TIMM21: variants seen among roughly 807,000 people sequenced by gnomAD.
The protein encoded by TIMM21 is mitochondrial import inner membrane translocase subunit Tim21.
TIMM21 carries 30 observed loss-of-function variants against 27.7 expected under a neutral mutation model. The observed-to-expected ratio is 1.08, with a 90% confidence interval of 0.81 to 1.47. The LOEUF (loss-of-function observed/expected upper bound fraction) is 1.47. Ranked by LOEUF, TIMM21 falls within the 40% of genes most tolerant of loss-of-function variation. The pLI, the probability that TIMM21 is intolerant of heterozygous loss-of-function variation, is 0.00. For synonymous variants in TIMM21, 121 were observed against 114.4 expected (o/e 1.06, Z -0.37); for missense variants, 292 against 302.9 (o/e 0.96, Z 0.27).
intron 1 of TIMM21, 106 bp downstream of exon 1, chr18:74,149,215 G>C (rs1236637377): frequency 1.5e-6 from 2 of 1,311,982 alleles, no homozygotes. Flanking sequence ...CAATTCACAT[G>C]AATTTTTAAA....
intron 1 of TIMM21, among the ~76,000 whole-genome samples, chr18:74,153,531 CTG>C (rs1421729882): frequency 6.6e-6 from 1 of 152,324 alleles, no homozygotes; most frequent in East Asian, 1.9e-4. Flanking sequence ...TTTTGTGACA[CTG>C]AGAGTGGAAT....
In TIMM21 at chr18:74,158,206, CGT is replaced by C; in HGVS notation, c.578_579del (p.Val193GlufsTer5). The C allele has an allele frequency of 6.8e-6, 11 of 1,614,102 alleles. No homozygotes were observed. Among genetic ancestry groups the C allele is most frequent in the Non-Finnish European group, 9.3e-6 (11 of 1,180,024 alleles). On this transcript the variant is annotated frameshift_variant, in exon 5 of 6. Coordinates refer to ENST00000169551, the MANE Select transcript of TIMM21 (RefSeq NM_014177.3). LOFTEE classifies it high-confidence loss of function. The stretch of plus-strand genomic sequence containing the variant: ...TATGTAAAAGATGGGCTGAAACACA[CGT>C]GTGTGAAATTCTACATTGAGGGCTC...
chr18:74,148,708 C>A lies in TIMM21; in HGVS notation c.-101C>A, dbSNP rs1391879144. The A allele has an allele frequency of 2.5e-6, 3 of 1,218,502 alleles. No individual in the cohort carries two copies. The highest frequency in any genetic ancestry group is 2.4e-5 in the East Asian group (1 of 42,444). The allele number at this position is 1,218,502 out of a possible 1,614,324, so 75.5% of individuals were successfully genotyped here. ...TGCCTAACACCCCATGTAATGTAAACGTATAGGCTTGAGTACGTGTCCGGC... is the reference window on the plus strand; with the variant it reads ...TGCCTAACACCCCATGTAATGTAAAAGTATAGGCTTGAGTACGTGTCCGGC... On this transcript the variant is annotated 5_prime_UTR_variant, in exon 1 of 6. Transcript: ENST00000169551.
Position 74,160,013 on chromosome 18 carries a change from T to C in TIMM21, c.*1533T>C, listed in dbSNP as rs1980059086. The C allele has an allele frequency of 6.6e-6, 1 of 152,270 alleles. No individual in the cohort carries two copies. Among genetic ancestry groups the C allele is most frequent in the Non-Finnish European group, 1.5e-5 (1 of 68,106 alleles). 9.4% of individuals were successfully genotyped at this position (152,270 alleles called of 1,614,324 possible). On this transcript the variant is annotated 3_prime_UTR_variant, in exon 6 of 6. Transcript: ENST00000169551. ...CACCTGCCATTTTACAATATGCTCATGCCCCTTTAAGATCTGAGCTTTTGG... is the reference window on the plus strand; with the variant it reads ...CACCTGCCATTTTACAATATGCTCACGCCCCTTTAAGATCTGAGCTTTTGG...
rs1232103083 is a variant in TIMM21, at chr18:74,155,359, A to G, written c.418A>G (p.Lys140Glu). 5.6e-6 allele frequency: 9 copies of G among 1,613,600 alleles called. No individual in the cohort carries two copies. Among genetic ancestry groups the G allele is most frequent in the Non-Finnish European group, 6.8e-6 (8 of 1,179,954 alleles). ...ACTTTTTTCTTCATCCAGTCCTAGC[A>G]AGATATATGGGAGAGCCTTAGAAAA... ...KELFSSSSPS[K>E]IYGRALEKCR... Residue 140 changes from lysine (K) to glutamate (E), a missense_variant, in exon 3 of 6, where the codon AAG (lysine) becomes GAG (glutamate). Physicochemically the swap from Lys to Glu is moderately conservative, Grantham distance 56 (BLOSUM62 1). Coordinates refer to ENST00000169551, the MANE Select transcript of TIMM21 (RefSeq NM_014177.3).
intron 1 of TIMM21, among the ~76,000 whole-genome samples, chr18:74,149,923 A>T (rs541897930): frequency 6.6e-6 from 1 of 152,322 alleles, no homozygotes; most frequent in East Asian, 1.9e-4. Context: ...CACCCCATTC[A>T]GACGTGACAG....
At chr18:74,156,115 CA>C (rs1568191988) in intron 3 of TIMM21, 3 of 395,654 alleles carry the variant, frequency 7.6e-6, no homozygotes, top group Non-Finnish European at 8.9e-6. Context: ...TGGGAAGTGT[CA>C]GATTTCTTAC....
At chr18:74,155,877 G>A (rs1042201222) in intron 3 of TIMM21, among the ~76,000 whole-genome samples, 4 of 152,216 alleles carry the variant, frequency 2.6e-5, no homozygotes, top group Non-Finnish European at 4.4e-5. Flanking sequence ...GACACTTAAA[G>A]AGATTAAGTA....
intron 3 of TIMM21, chr18:74,157,770 A>AT (rs2121924287): frequency 2.2e-6 from 1 of 464,144 alleles, no homozygotes; most frequent in African/African-American, 2.0e-5. Flanking sequence ...TGATTTTTAT[A>AT]TTTTTTAGTA....
In TIMM21 at chr18:74,159,459, G is replaced by A. The variant is rs1980046752; in HGVS notation, c.*979G>A. ...TTCAGTGTGAGGTATCCCCTCTGAT[G>A]TGTTTGTTCCTTCTCCCCGAGAACT... is the stretch of plus-strand genomic sequence containing the variant. On this transcript the variant is annotated 3_prime_UTR_variant, in exon 6 of 6. Transcript: ENST00000169551. 1 of 151,936 alleles carries A rather than the reference G, an allele frequency of 6.6e-6. No individual in the cohort carries two copies. Among genetic ancestry groups the A allele is most frequent in the Non-Finnish European group, 1.5e-5 (1 of 68,006 alleles). The allele number at this position is 151,936 out of a possible 1,614,324, so 9.4% of individuals were successfully genotyped here.
chr18:74,149,533 T>C lies in TIMM21; in HGVS notation c.301+424T>C, dbSNP rs534704845. Among the ~76,000 whole-genome samples the C allele has an allele frequency of 2.6e-5, 4 of 151,246 alleles. No individual in the cohort carries two copies. In the South Asian group the frequency reaches 8.3e-4, roughly 32 times the overall value. Reference sequence around the variant, plus strand: ...TTGTCAGGGAAAGTCAGAGATGTATTCACAGATATTTTAAGATTTTTTTTT... The same window carrying C: ...TTGTCAGGGAAAGTCAGAGATGTATCCACAGATATTTTAAGATTTTTTTTT... On this transcript the variant is annotated intron_variant, in intron 1 of 5. Coordinates refer to ENST00000169551, the MANE Select transcript of TIMM21 (RefSeq NM_014177.3).
Position 74,155,140 on chromosome 18 carries a change from C to A in TIMM21, c.302-5C>A, listed in dbSNP as rs1979915139. 1 of 1,613,976 alleles carries A rather than the reference C, an allele frequency of 6.2e-7. No homozygotes were observed. The highest frequency in any genetic ancestry group is 8.5e-7 in the Non-Finnish European group (1 of 1,179,942). ...CCGTAACCCATTGGTGTTTTCTCTT[C>A]ACAGTGAAAGAAGCCGGAAGAGATT... On this transcript the variant is annotated splice_polypyrimidine_tract_variant and splice_region_variant and intron_variant, in intron 1 of 5. Coordinates refer to ENST00000169551, the MANE Select transcript of TIMM21 (RefSeq NM_014177.3).
chr18:74,155,176 A>T lies in TIMM21; in HGVS notation c.333A>T (p.Leu111Phe). 1 of 1,614,208 alleles carries T rather than the reference A, an allele frequency of 6.2e-7. No homozygotes were observed. Among genetic ancestry groups the T allele is most frequent in the Non-Finnish European group, 8.5e-7 (1 of 1,180,034 alleles). The change falls in exon 2 of 6, where the codon TTA becomes TTT. Residue 111 changes from leucine to phenylalanine, a missense_variant. Physicochemically the swap from Leu to Phe is conservative, Grantham distance 22. Coordinates refer to ENST00000169551, the MANE Select transcript of TIMM21 (RefSeq NM_014177.3). Reference protein sequence around the residue: ...VKEAGRDFTYLIVVLFGISIT... With the variant: ...VKEAGRDFTYFIVVLFGISIT... ...AAGCCGGAAGAGATTTTACCTATTT[A>T]ATAGTGGTGCTTTTTGGAATCAGCA...
In TIMM21 at chr18:74,159,620, T is replaced by C. The variant is rs1306566184; in HGVS notation, c.*1140T>C. 1 of 152,244 alleles carries C rather than the reference T, an allele frequency of 6.6e-6. No individual in the cohort carries two copies. Among genetic ancestry groups the C allele is most frequent in the African/African-American group, 2.4e-5 (1 of 41,454 alleles). 9.4% of individuals were successfully genotyped at this position (152,244 alleles called of 1,614,324 possible). A position where few individuals can be genotyped will look rare whatever the true frequency, so the allele number is the denominator to read the frequency against. Reference sequence around the variant, plus strand: ...TAGTTTCTTGGTTTGACTGCTTGTTTTAGATGTTTTTAATTATAAAAATTT... The same window carrying C: ...TAGTTTCTTGGTTTGACTGCTTGTTCTAGATGTTTTTAATTATAAAAATTT... On this transcript the variant is annotated 3_prime_UTR_variant, in exon 6 of 6. Coordinates refer to ENST00000169551, the MANE Select transcript of TIMM21 (RefSeq NM_014177.3).
chr18:74,154,428 A>AT (rs1379876704), intron 1 of TIMM21, among the ~76,000 whole-genome samples: 1 of 151,952 alleles, frequency 6.6e-6, no homozygotes, highest in Non-Finnish European at 1.5e-5. Flanking sequence ...CGCCCGGGTA[A>AT]TTTTTTGTAT....
At chr18:74,153,218 A>C (rs1247361350) in intron 1 of TIMM21, among the ~76,000 whole-genome samples, 2 of 152,234 alleles carry the variant, frequency 1.3e-5, no homozygotes, top group Non-Finnish European at 2.9e-5. Flanking sequence ...GACAGCTATA[A>C]AGTAACAAAC....
chr18:74,158,988 A>G lies in TIMM21; in HGVS notation c.*508A>G, dbSNP rs1210511834. Reference sequence around the variant, plus strand: ...TGTGAGTTTTAGGAATCTGTCTCATATTTCGCGCTTCATGAATTAAGGGCC... The same window carrying G: ...TGTGAGTTTTAGGAATCTGTCTCATGTTTCGCGCTTCATGAATTAAGGGCC... On this transcript the variant is annotated 3_prime_UTR_variant, in exon 6 of 6. Coordinates refer to ENST00000169551, the MANE Select transcript of TIMM21 (RefSeq NM_014177.3). The G allele has an allele frequency of 6.2e-6, 1 of 161,664 alleles. No individual in the cohort carries two copies. The highest frequency in any genetic ancestry group is 1.3e-5 in the Non-Finnish European group (1 of 74,986). 10.0% of individuals were successfully genotyped at this position (161,664 alleles called of 1,614,324 possible).
At chr18:74,154,209 T>C (rs186024039) in intron 1 of TIMM21, among the ~76,000 whole-genome samples, 48 of 152,236 alleles carry the variant, frequency 3.2e-4, no homozygotes, top group African/African-American at 1.1e-3. Context: ...TATTTCTGTA[T>C]AATACAAATA....
rs200625916 is a variant in TIMM21 at position 74,149,037 on chromosome 18, G to A, written c.229G>A (p.Glu77Lys). Reference protein sequence around the residue: ...TQGPSPRKAKEDGSKQVSVHR... With the variant: ...TQGPSPRKAKKDGSKQVSVHR... ...GGGACCGAGCCCCCGAAAAGCAAAG[G>A]AGGATGGCAGCAAACAAGTGTCTGT... The change falls in exon 1 of 6, where the codon GAG (glutamate) becomes AAG (lysine). Residue 77 changes from glutamate (E) to lysine (K), a missense_variant. Physicochemically the swap from Glu to Lys is moderately conservative, Grantham distance 56 (BLOSUM62 1). Coordinates refer to ENST00000169551, the MANE Select transcript of TIMM21 (RefSeq NM_014177.3). 6.2e-7 allele frequency: 1 copy of A among 1,614,106 alleles called. No individual in the cohort carries two copies. The highest frequency in any genetic ancestry group is 8.5e-7 in the Non-Finnish European group (1 of 1,180,034).
Sources: allele counts gnomAD v4.1 joint callset (sites outside exome capture counted in the v4.1 genomes callset), GRCh38; gene constraint gnomAD v4.1.1; transcripts MANE v1.5; gene names NCBI Gene and HGNC (gene_info 2026-07-23, HGNC 2026-07-21).